ZDHHC15: variants seen among roughly 807,000 people sequenced by gnomAD.
The protein encoded by ZDHHC15 is zDHHC palmitoyltransferase 15, also known as palmitoyltransferase ZDHHC15.
ZDHHC15 carries 19 observed loss-of-function variants against 31.7 expected under a neutral mutation model. The ratio of observed to expected loss-of-function variants is 0.60; its 90% confidence interval spans 0.42 to 0.88. The LOEUF (loss-of-function observed/expected upper bound fraction) is 0.88, where lower values mean the gene tolerates loss of function less well. ZDHHC15 is among the 40% of genes least tolerant of loss of function. The pLI, the probability that ZDHHC15 is intolerant of heterozygous loss-of-function variation, is 0.00. For missense variants in ZDHHC15, 209 were observed against 251.2 expected (o/e 0.83, Z 1.14); for synonymous variants, 103 against 90.0 (o/e 1.14, Z -0.82).
At chrX:75,457,757 AT>A (rs1240116947) in intron 3 of ZDHHC15, among the ~76,000 whole-genome samples, 2 of 111,439 alleles carry the variant, frequency 1.8e-5, no homozygotes, top group Non-Finnish European at 3.8e-5. Flanking sequence ...GGATTAAAAA[AT>A]ATTTTTAAAA....
intron 3 of ZDHHC15, among the ~76,000 whole-genome samples, chrX:75,462,117 A>G (rs761171831): frequency 8.9e-6 from 1 of 112,040 alleles, no homozygotes; most frequent in South Asian, 3.7e-4. Context: ...AGAAAAAAGT[A>G]GAGGTTACAA....
intron 9 of ZDHHC15, among the ~76,000 whole-genome samples, chrX:75,419,997 C>T (rs2083603603): frequency 9.6e-6 from 1 of 103,695 alleles, no homozygotes; most frequent in Admixed American, 1.0e-4. Context: ...ATACCTAATG[C>T]TAAATGATGA....
At chrX:75,428,151 A>C (rs933407353) in intron 7 of ZDHHC15, among the ~76,000 whole-genome samples, 4 of 111,088 alleles carry the variant, frequency 3.6e-5, no homozygotes, top group African/African-American at 1.3e-4. Context: ...AGCTCTGTCC[A>C]CATCTGTCTT....
At chrX:75,478,635 T>C (rs1438445965) in intron 3 of ZDHHC15, among the ~76,000 whole-genome samples, 1 of 111,465 alleles carries the variant, frequency 9.0e-6, no homozygotes, top group African/African-American at 3.3e-5. Context: ...CACCTCAGCC[T>C]CCAAAATTGT....
At chrX:75,374,862 G>A (rs900263815) in intron 11 of ZDHHC15, among the ~76,000 whole-genome samples, 1 of 110,567 alleles carries the variant, frequency 9.0e-6, no homozygotes. Context: ...TCTAGAAAAT[G>A]AAAACTGATA....
chrX:75,478,958 A>T lies in ZDHHC15; in HGVS notation c.191T>A (p.Ile64Asn). ...GTAGGTCCAGGTAAAGAACACAAAGATGGCATGGTAGAGTATGAGGTAAAT... is the reference window on the plus strand; with the variant it reads ...GTAGGTCCAGGTAAAGAACACAAAGTTGGCATGGTAGAGTATGAGGTAAAT... The part of the protein sequence containing the change: ...KVIYLILYHA[I>N]FVFFTWTYWK... Residue 64 changes from isoleucine (I) to asparagine (N), a missense_variant, in exon 3 of 12, where the codon ATC becomes AAC. By Grantham distance (149) the Ile-to-Asn change is moderately radical (BLOSUM62 -3). Transcript: ENST00000373367. The T allele has an allele frequency of 8.3e-7, 1 of 1,202,343 alleles. No individual in the cohort carries two copies. The highest frequency in any genetic ancestry group is 1.1e-6 in the Non-Finnish European group (1 of 889,413).
chrX:75,397,980 C>T (rs1404272727), intron 10 of ZDHHC15, among the ~76,000 whole-genome samples: 3 of 111,988 alleles, frequency 2.7e-5, no homozygotes, highest in Non-Finnish European at 3.8e-5. Flanking sequence ...GACACTGGAG[C>T]CTTAGAAACT....
intron 1 of ZDHHC15, among the ~76,000 whole-genome samples, chrX:75,518,012 C>A (rs769392051): frequency 1.8e-5 from 2 of 109,519 alleles, no homozygotes; most frequent in Admixed American, 9.8e-5. Context: ...AAACAAAAAA[C>A]CAAAACCAAC....
chrX:75,413,499 C>T (rs1334018158), intron 10 of ZDHHC15, among the ~76,000 whole-genome samples: 1 of 110,780 alleles, frequency 9.0e-6, no homozygotes, highest in Non-Finnish European at 1.9e-5. Flanking sequence ...AACCCCAACT[C>T]TACTAAAAAT....
intron 2 of ZDHHC15, among the ~76,000 whole-genome samples, chrX:75,499,683 T>A (rs775724095): frequency 8.9e-6 from 1 of 112,057 alleles, no homozygotes; most frequent in African/African-American, 3.2e-5. Context: ...AATGGGAAGG[T>A]AAACTATTAC....
chrX:75,492,905 A>G (rs1457356332), intron 2 of ZDHHC15, among the ~76,000 whole-genome samples: 1 of 111,794 alleles, frequency 8.9e-6, no homozygotes. Flanking sequence ...TTCAAAAGCT[A>G]GCAGAAGGCA....
Position 75,369,854 on chromosome X carries a change from G to T in ZDHHC15, c.*3124C>A, listed in dbSNP as rs2082990352. 1 of 112,008 alleles carries T rather than the reference G, an allele frequency of 8.9e-6. No homozygotes were observed. Among genetic ancestry groups the T allele is most frequent in the African/African-American group, 3.2e-5 (1 of 30,778 alleles). 9.2% of individuals were successfully genotyped at this position (112,008 alleles called of 1,213,427 possible). ...GATAATTCCAGTCCTGGGAAGCCAA[G>T]TTACTTTAACAATGTACTGAACATG... On this transcript the variant is annotated 3_prime_UTR_variant, in exon 12 of 12. Transcript: ENST00000373367.
intron 10 of ZDHHC15, among the ~76,000 whole-genome samples, chrX:75,383,060 A>G (rs751168244): frequency 9.0e-6 from 1 of 111,561 alleles, no homozygotes; most frequent in Non-Finnish European, 1.9e-5. Flanking sequence ...AGATCTATAA[A>G]CTGAAAGGTA....
In ZDHHC15 at chrX:75,383,734, G is replaced by GTTTT. The variant is rs541238663; in HGVS notation, c.968-4537_968-4536insAAAA. 2.9e-3 allele frequency among the ~76,000 whole-genome samples: 226 copies of GTTTT among 77,785 alleles called. 52 individuals are homozygous for GTTTT. The highest frequency in any genetic ancestry group is 2.7e-3 in the Non-Finnish European group (115 of 41,868). 67.5% of individuals were successfully genotyped at this position (77,785 alleles called of 115,157 possible). A position where few individuals can be genotyped will look rare whatever the true frequency, so the allele number is the denominator to read the frequency against. On this transcript the variant is annotated intron_variant, in intron 10 of 11. Transcript: ENST00000373367. ...ACTACCCCAAATTTAAGAAATGTTA[G>GTTTT]GTTTTTTTTTTTTTTTTTTTTTGAG...
intron 10 of ZDHHC15, among the ~76,000 whole-genome samples, chrX:75,388,339 C>A (rs1253170522): frequency 2.7e-5 from 3 of 112,019 alleles, no homozygotes; most frequent in Non-Finnish European, 5.6e-5. Context: ...GCCCAGAAGA[C>A]AAATCTATCA....
intron 7 of ZDHHC15, among the ~76,000 whole-genome samples, chrX:75,427,383 T>A (rs1190808713): frequency 8.9e-6 from 1 of 112,147 alleles, no homozygotes; most frequent in Non-Finnish European, 1.9e-5. Context: ...TTAATTCATA[T>A]CCAAATATTA....
rs774579304 is a variant in ZDHHC15 at position 75,430,211 on chromosome X, C to T, written c.450-231G>A. Among the ~76,000 whole-genome samples the T allele has an allele frequency of 7.2e-5, 8 of 111,591 alleles. No individual in the cohort carries two copies. The East Asian group carries it at 2.0e-3, about 28-fold the overall frequency. On this transcript the variant is annotated intron_variant, in intron 5 of 11. Coordinates refer to ENST00000373367, the MANE Select transcript of ZDHHC15 (RefSeq NM_144969.3). Reference sequence around the variant, plus strand: ...GCAGCAAGTTACATGCTTATAAGTCCAACCTTTCAAAGGGATTGGAAACTC... The same window carrying T: ...GCAGCAAGTTACATGCTTATAAGTCTAACCTTTCAAAGGGATTGGAAACTC...
At chrX:75,473,079 C>G in intron 3 of ZDHHC15, among the ~76,000 whole-genome samples, 1 of 112,212 alleles carries the variant, frequency 8.9e-6, no homozygotes, top group East Asian at 2.8e-4. Context: ...GTAATCCACA[C>G]AGCACTGCCT....
chrX:75,393,820 C>T (rs1196338992), intron 10 of ZDHHC15, among the ~76,000 whole-genome samples: 1 of 111,792 alleles, frequency 8.9e-6, no homozygotes, highest in Non-Finnish European at 1.9e-5. Context: ...CCACAATAGG[C>T]TGTCTGCAGG....
Sources: allele counts gnomAD v4.1 joint callset (sites outside exome capture counted in the v4.1 genomes callset), GRCh38; gene constraint gnomAD v4.1.1; transcripts MANE v1.5; gene names NCBI Gene and HGNC (gene_info 2026-07-23, HGNC 2026-07-21).